The following GLRB variants were observed in gnomAD, a reference collection of about 807,000 sequenced individuals.
The protein encoded by GLRB is glycine receptor beta.
A neutral mutation model predicts 54.2 loss-of-function variants in GLRB; 33 were observed. The observed-to-expected ratio is 0.61, with a 90% CI of 0.46 to 0.81. GLRB has a LOEUF of 0.81. Ranked by LOEUF, GLRB falls within the 40% of genes least tolerant of loss-of-function variation. The pLI is 0.00. For synonymous variants in GLRB, 209 were observed against 208.2 expected, an observed-to-expected ratio of 1.00 and a Z score of -0.03; for missense variants, 572 against 584.6, an observed-to-expected ratio of 0.98 and a Z score of 0.22.
At chr4:157,120,931 C>T (rs551267184) in intron 3 of GLRB, among the ~76,000 whole-genome samples, 5 of 151,574 alleles carry the variant, frequency 3.3e-5, no homozygotes, top group East Asian at 2.0e-4. Flanking sequence ...GGCCAACATC[C>T]GCAATGGGTT....
intron 8 of GLRB, among the ~76,000 whole-genome samples, chr4:157,150,463 T>A (rs1449780516): frequency 1.3e-5 from 2 of 152,042 alleles, no homozygotes; most frequent in African/African-American, 4.8e-5. Flanking sequence ...CTGTCACACC[T>A]TTTAAAGACA....
intron 9 of GLRB, among the ~76,000 whole-genome samples, chr4:157,167,945 A>G (rs1737775130): frequency 6.6e-6 from 1 of 152,114 alleles, no homozygotes; most frequent in Admixed American, 6.6e-5. Flanking sequence ...CACTTGAACT[A>G]ACAGAGGGAC....
At chr4:157,109,779 C>G (rs897670128) in intron 2 of GLRB, among the ~76,000 whole-genome samples, 3 of 152,032 alleles carry the variant, frequency 2.0e-5, no homozygotes, top group African/African-American at 7.2e-5. Flanking sequence ...CTCAGGAAAA[C>G]ACTTCACTTC....
chr4:157,100,819 A>G (rs1734991863), intron 2 of GLRB, among the ~76,000 whole-genome samples: 1 of 152,194 alleles, frequency 6.6e-6, no homozygotes, highest in Non-Finnish European at 1.5e-5. Flanking sequence ...AGCAAATACA[A>G]ACTATGACAC....
intron 2 of GLRB, among the ~76,000 whole-genome samples, chr4:157,100,367 G>C (rs1020924375): frequency 1.7e-4 from 26 of 152,078 alleles, no homozygotes; most frequent in Admixed American, 2.0e-4. Flanking sequence ...GAAAAATCCT[G>C]TACATTACTA....
intron 8 of GLRB, among the ~76,000 whole-genome samples, chr4:157,145,654 T>C (rs1203014585): frequency 1.3e-5 from 2 of 152,122 alleles, no homozygotes; most frequent in African/African-American, 4.8e-5. Flanking sequence ...CTTCAATGAG[T>C]ATATATGTTA....
rs774510039 is a variant in GLRB at position 157,152,930 on chromosome 4, G to C, written c.1117G>C (p.Ala373Pro). ...EKARIAKAEQADGKGGNVAKK... is the reference protein window; with the variant it reads ...EKARIAKAEQPDGKGGNVAKK... ...AGCCAGAATTGCTAAGGCTGAGCAAGCAGATGGAAAAGGTGGAAATGTGGC... is the reference window on the plus strand; with the variant it reads ...AGCCAGAATTGCTAAGGCTGAGCAACCAGATGGAAAAGGTGGAAATGTGGC... The change falls in exon 9 of 10, where the codon GCA becomes CCA. Residue 373 changes from alanine to proline, a missense_variant. Transcript: ENST00000264428. The C allele has an allele frequency of 3.7e-5, 60 of 1,613,780 alleles. No homozygotes were observed. The highest frequency in any genetic ancestry group is 5.1e-5 in the Non-Finnish European group (60 of 1,179,850).
Position 157,120,407 on chromosome 4 carries a change from T to A in GLRB, c.123-149T>A, listed in dbSNP as rs371083616. 2.5e-3 allele frequency: 573 copies of A among 230,294 alleles called. 3 individuals carry two copies. The highest frequency in any genetic ancestry group is 0.015 in the Middle Eastern group (8 of 548). 14.3% of individuals were successfully genotyped at this position (230,294 alleles called of 1,614,324 possible). A position where few individuals can be genotyped will look rare whatever the true frequency, so the allele number is the denominator to read the frequency against. On this transcript the variant is annotated intron_variant, in intron 2 of 9. Transcript: ENST00000264428. ...ATAATAATAAAATAAAATAAAATAA[T>A]AAAATAAAATAAATAAAAAAAAGAA...
chr4:157,154,488 C>A (rs1249333311), intron 9 of GLRB, among the ~76,000 whole-genome samples: 1 of 129,404 alleles, frequency 7.7e-6, no homozygotes, highest in African/African-American at 3.1e-5. Flanking sequence ...AGTGCAATGG[C>A]GTGATCTCGG....
intron 2 of GLRB, among the ~76,000 whole-genome samples, chr4:157,080,414 A>G (rs1305717226): frequency 6.6e-6 from 1 of 152,234 alleles, no homozygotes; most frequent in Non-Finnish European, 1.5e-5. Context: ...GGCTTGTTAA[A>G]AAGTGGATGT....
chr4:157,120,661 A>G lies in GLRB; in HGVS notation c.228A>G (p.Lys76=), dbSNP rs1414378115. 3.6e-6 allele frequency: 5 copies of G among 1,397,422 alleles called. No individual in the cohort carries two copies. The African/African-American group carries it at 4.3e-5, about 12-fold the overall frequency. 86.6% of individuals were successfully genotyped at this position (1,397,422 alleles called of 1,614,324 possible). A position where few individuals can be genotyped will look rare whatever the true frequency, so the allele number is the denominator to read the frequency against. Residue 76 remains lysine (K), a splice_region_variant and synonymous_variant, in exon 3 of 10, where the codon AAA becomes AAG. Coordinates refer to ENST00000264428, the MANE Select transcript of GLRB (RefSeq NM_000824.5). ...ATCCCAGGATAAGACCAAACTTCAA[A>G]GGTTTGTCTCCCCCATATAAATGTT... ...SYDPRIRPNF[K]GIPVDVVVNI...
At chr4:157,097,679 C>A (rs1734862837) in intron 2 of GLRB, among the ~76,000 whole-genome samples, 1 of 152,166 alleles carries the variant, frequency 6.6e-6, no homozygotes, top group Non-Finnish European at 1.5e-5. Flanking sequence ...TTACATACAG[C>A]TCATGAATCC....
chr4:157,164,927 A>G (rs928127117), intron 9 of GLRB, among the ~76,000 whole-genome samples: 2 of 152,154 alleles, frequency 1.3e-5, no homozygotes, highest in African/African-American at 4.8e-5. Flanking sequence ...CACATATAAG[A>G]ACTTTTATAT....
chr4:157,081,972 C>T (rs1169340902), intron 2 of GLRB, among the ~76,000 whole-genome samples: 3 of 152,164 alleles, frequency 2.0e-5, no homozygotes, highest in East Asian at 3.9e-4. Context: ...AAGCCTCACA[C>T]GCATCAACTC....
chr4:157,119,602 T>A lies in GLRB; in HGVS notation c.123-954T>A, dbSNP rs188528486. Among the ~76,000 whole-genome samples, 16 of 151,772 alleles carry A rather than the reference T, an allele frequency of 1.1e-4. No individual in the cohort carries two copies. In the East Asian group the frequency reaches 1.8e-3, roughly 17 times the overall value. On this transcript the variant is annotated intron_variant, in intron 2 of 9. Coordinates refer to ENST00000264428, the MANE Select transcript of GLRB (RefSeq NM_000824.5). ...CATTTAGTAAAGTTAATTGTTAAAA[T>A]ATATATATTTTTAATAACAATGTCT...
chr4:157,162,163 C>G (rs1737523184), intron 9 of GLRB, among the ~76,000 whole-genome samples: 1 of 152,184 alleles, frequency 6.6e-6, no homozygotes, highest in African/African-American at 2.4e-5. Context: ...AGTTCTCGTG[C>G]CATGGTTTTC....
At chr4:157,130,690 A>G (rs1736182215) in intron 4 of GLRB, among the ~76,000 whole-genome samples, 1 of 151,696 alleles carries the variant, frequency 6.6e-6, no homozygotes, top group East Asian at 1.9e-4. Context: ...GCTGCTGTAA[A>G]TAATGTTGCT....
intron 9 of GLRB, among the ~76,000 whole-genome samples, chr4:157,164,277 CTG>C (rs778081815): frequency 2.0e-5 from 3 of 152,120 alleles, no homozygotes; most frequent in Non-Finnish European, 4.4e-5. Flanking sequence ...TTGTGAGAAA[CTG>C]TGCTTCCCCT....
intron 2 of GLRB, among the ~76,000 whole-genome samples, chr4:157,101,007 A>G (rs1005060013): frequency 5.9e-5 from 9 of 152,130 alleles, no homozygotes; most frequent in Non-Finnish European, 1.0e-4. Flanking sequence ...CTTACTAAAC[A>G]TTTATTGAAT....
Sources: gnomAD v4.1 joint callset for allele counts (sites outside exome capture counted in the v4.1 genomes callset) on GRCh38, gnomAD v4.1.1 for gene constraint, MANE v1.5 for transcripts, NCBI Gene and HGNC (gene_info 2026-07-23, HGNC 2026-07-21) for gene names.